Variants in PSMF1 observed in about 807,000 individuals in gnomAD.
PSMF1 encodes proteasome inhibitor subunit 1.
PSMF1 carries 30 observed loss-of-function variants against 29.3 expected under a neutral mutation model. That is an observed-to-expected ratio of 1.02 (90% confidence interval 0.77 to 1.39). The LOEUF (loss-of-function observed/expected upper bound fraction) is 1.39. PSMF1 is among the 40% of genes most tolerant of loss of function. PSMF1 has a pLI of 0.00. For synonymous variants in PSMF1, 134 were observed against 139.7 expected, an observed-to-expected ratio of 0.96 and a Z score of 0.29; for missense variants, 344 against 357.5, an observed-to-expected ratio of 0.96 and a Z score of 0.31.
intron 4 of PSMF1, among the ~76,000 whole-genome samples, chr20:1,136,363 A>G (rs1234902301): frequency 2.6e-5 from 4 of 152,216 alleles, no homozygotes; most frequent in African/African-American, 7.2e-5. Context: ...AACAGATGTG[A>G]TCTAACCACC....
At position 1,170,107 on chromosome 20, in the gene PSMF1, G is replaced by A. The variant is rs927580855; in HGVS notation, c.*5027G>A. ...CATGCAAGTTTGAGAACTGAGAAGG[G>A]AGGGGAAGACCTACCTCCTTGTTAC... On this transcript the variant is annotated 3_prime_UTR_variant, in exon 7 of 7. Coordinates refer to ENST00000335877, the MANE Select transcript of PSMF1 (RefSeq NM_006814.5). Among the ~76,000 whole-genome samples the A allele has an allele frequency of 1.3e-5, 2 of 152,160 alleles. No individual in the cohort carries two copies. Among genetic ancestry groups the A allele is most frequent in the African/African-American group, 4.8e-5 (2 of 41,432 alleles).
intron 4 of PSMF1, among the ~76,000 whole-genome samples, chr20:1,160,408 G>A (rs1051995179): frequency 6.6e-6 from 1 of 151,946 alleles, no homozygotes; most frequent in Non-Finnish European, 1.5e-5. Context: ...CAGTTTCCTT[G>A]ATTAATGTCT....
At chr20:1,125,859 G>T in intron 2 of PSMF1, 1 of 724,824 alleles carries the variant, frequency 1.4e-6, no homozygotes, top group East Asian at 2.7e-5. Flanking sequence ...TTAAGAAGGA[G>T]GGGCTTTCTG....
chr20:1,135,698 A>G (rs1051490780), intron 4 of PSMF1, among the ~76,000 whole-genome samples: 7 of 152,172 alleles, frequency 4.6e-5, no homozygotes, highest in African/African-American at 1.7e-4. Context: ...AAATGTAAAC[A>G]TGTAGAGGTA....
intron 1 of PSMF1, among the ~76,000 whole-genome samples, chr20:1,121,938 G>A (rs1219578784): frequency 6.6e-6 from 1 of 152,196 alleles, no homozygotes; most frequent in Non-Finnish European, 1.5e-5. Flanking sequence ...ATCGACATAA[G>A]TTAGAGAATT....
chr20:1,149,008 T>G (rs774258414), intron 4 of PSMF1, among the ~76,000 whole-genome samples: 1 of 152,232 alleles, frequency 6.6e-6, no homozygotes, highest in Non-Finnish European at 1.5e-5. Flanking sequence ...AAAATATCTC[T>G]TCAAAACAAA....
chr20:1,127,353 T>C (rs762919961), intron 2 of PSMF1, 73 bp from the exon 3 acceptor site: 11 of 1,131,110 alleles, frequency 9.7e-6, no homozygotes, highest in African/African-American at 1.5e-5. Context: ...GAAGACTTTG[T>C]TACTCTCCCT....
chr20:1,148,960 A>G (rs1353589217), intron 4 of PSMF1, among the ~76,000 whole-genome samples: 1 of 152,206 alleles, frequency 6.6e-6, no homozygotes, highest in Non-Finnish European at 1.5e-5. Context: ...TTTAAAAATA[A>G]GCCCATTATG....
chr20:1,150,521 AT>A (rs773017667), intron 4 of PSMF1, among the ~76,000 whole-genome samples: 4 of 150,364 alleles, frequency 2.7e-5, no homozygotes, highest in Non-Finnish European at 3.0e-5. Context: ...CCACATTAAA[AT>A]TTTTTTTTTC....
chr20:1,161,824 T>C (rs1367047999), intron 4 of PSMF1: 1 of 324,864 alleles, frequency 3.1e-6, no homozygotes, highest in Non-Finnish European at 5.8e-6. Context: ...GAAAGAAATT[T>C]GTCCTTGAAG....
At chr20:1,119,978 TAG>T (rs3838060) in intron 1 of PSMF1, among the ~76,000 whole-genome samples, 31,192 of 152,034 alleles carry the variant, frequency 0.21, 3,393 homozygotes, top group South Asian at 0.27. Flanking sequence ...GCTTCTCAAA[TAG>T]AGTCTTAATT....
chr20:1,119,229 T>C (rs2086051802), intron 1 of PSMF1, among the ~76,000 whole-genome samples: 1 of 152,108 alleles, frequency 6.6e-6, no homozygotes, highest in Non-Finnish European at 1.5e-5. Context: ...GGAGTTTAGC[T>C]CCCCAGAGCA....
Position 1,165,322 on chromosome 20 carries a change from C to T in PSMF1, c.*242C>T, listed in dbSNP as rs1397980455. ...TGTCTCTTTCACCATCAGCTCCTCCCCTTTCACCACCAGCTCCTCTCCACT... is the reference window on the plus strand; with the variant it reads ...TGTCTCTTTCACCATCAGCTCCTCCTCTTTCACCACCAGCTCCTCTCCACT... On this transcript the variant is annotated 3_prime_UTR_variant, in exon 7 of 7. Coordinates refer to ENST00000335877, the MANE Select transcript of PSMF1 (RefSeq NM_006814.5). 33 of 1,394,012 alleles carry T rather than the reference C, an allele frequency of 2.4e-5. No individual in the cohort carries two copies. The African/African-American group carries it at 4.6e-4, about 20-fold the overall frequency. The allele number at this position is 1,394,012 out of a possible 1,614,324, so 86.4% of individuals were successfully genotyped here.
chr20:1,159,068 AAAAG>A (rs1160866845), intron 4 of PSMF1, among the ~76,000 whole-genome samples: 6 of 99,638 alleles, frequency 6.0e-5, no homozygotes, highest in Non-Finnish European at 1.2e-4. Flanking sequence ...AAAAAAAAAA[AAAAG>A]AAGAAGTAAA....
chr20:1,140,386 G>A (rs932514451), intron 4 of PSMF1, among the ~76,000 whole-genome samples: 18 of 152,100 alleles, frequency 1.2e-4, no homozygotes, highest in Non-Finnish European at 2.5e-4. Context: ...TGGGACAATT[G>A]GATATCTACA....
upstream of PSMF1, among the ~76,000 whole-genome samples, chr20:1,116,303 C>A (rs1278056253): frequency 6.6e-6 from 1 of 152,220 alleles, no homozygotes; most frequent in Non-Finnish European, 1.5e-5. Context: ...TGCAGAACTT[C>A]TCAGTAGAAA....
intron 1 of PSMF1, among the ~76,000 whole-genome samples, chr20:1,123,689 A>G (rs907418992): frequency 7.2e-5 from 11 of 152,200 alleles, no homozygotes; most frequent in African/African-American, 2.7e-4. Flanking sequence ...TACCCTGTGC[A>G]CAGGGTTTCT....
intron 3 of PSMF1, among the ~76,000 whole-genome samples, chr20:1,131,306 G>GT (rs2086226112): frequency 6.6e-6 from 1 of 152,200 alleles, no homozygotes; most frequent in Non-Finnish European, 1.5e-5. Context: ...GTCTCTATTT[G>GT]TTTTTTAAGT....
At chr20:1,139,159 C>G (rs1423864528) in intron 4 of PSMF1, among the ~76,000 whole-genome samples, 1 of 152,068 alleles carries the variant, frequency 6.6e-6, no homozygotes. Flanking sequence ...GACAACAGAG[C>G]GAGACTGTGT....
Sources: gnomAD v4.1 joint callset for allele counts (sites outside exome capture counted in the v4.1 genomes callset) on GRCh38, gnomAD v4.1.1 for gene constraint, MANE v1.5 for transcripts, NCBI Gene and HGNC (gene_info 2026-07-23, HGNC 2026-07-21) for gene names.